Variants in MARCHF1 observed in about 807,000 individuals in gnomAD.
MARCHF1 encodes E3 ubiquitin-protein ligase MARCHF1.
Under a neutral mutation model 54.2 loss-of-function variants are expected in MARCHF1, and 40 were observed. That is an observed-to-expected ratio of 0.74 (90% CI 0.57 to 0.96). The LOEUF (loss-of-function observed/expected upper bound fraction) is 0.96, where lower values mean the gene tolerates loss of function less well. Among genes scored for constraint, MARCHF1 ranks in the 40% least tolerant of loss-of-function variants. MARCHF1 has a pLI of 0.00. For synonymous variants in MARCHF1, 236 were observed against 236.3 expected, an observed-to-expected ratio of 1.00 and a Z score of 0.01; for missense variants, 586 against 656.5, an observed-to-expected ratio of 0.89 and a Z score of 1.17.
At chr4:163,918,540 C>T (rs1212712435) in intron 3 of MARCHF1, among the ~76,000 whole-genome samples, 1 of 152,014 alleles carries the variant, frequency 6.6e-6, no homozygotes, top group Non-Finnish European at 1.5e-5. Context: ...TGGGGGAAAT[C>T]CAGCAGTAGA....
chr4:164,153,351 C>A (rs906463216), intron 1 of MARCHF1, among the ~76,000 whole-genome samples: 1 of 151,998 alleles, frequency 6.6e-6, no homozygotes, highest in African/African-American at 2.4e-5. Context: ...TGTAACACAT[C>A]TTATAGAAGG....
At chr4:163,679,910 C>T (rs1208789396) in intron 5 of MARCHF1, among the ~76,000 whole-genome samples, 2 of 151,926 alleles carry the variant, frequency 1.3e-5, no homozygotes, top group East Asian at 3.8e-4. Flanking sequence ...TTTATCTCCG[C>T]TTCTTAAACT....
At chr4:163,952,259 T>C (rs1752148381) in intron 3 of MARCHF1, among the ~76,000 whole-genome samples, 2 of 152,206 alleles carry the variant, frequency 1.3e-5, no homozygotes, top group South Asian at 4.1e-4. Flanking sequence ...ATTCTTTCTT[T>C]AGCCTATATA....
At chr4:163,959,437 A>G (rs1407047454) in intron 3 of MARCHF1, among the ~76,000 whole-genome samples, 1 of 152,074 alleles carries the variant, frequency 6.6e-6, no homozygotes, top group Non-Finnish European at 1.5e-5. Context: ...ACAGTAACCA[A>G]GACAGCATGG....
intron 3 of MARCHF1, among the ~76,000 whole-genome samples, chr4:163,857,045 A>AATAG (rs1749787231): frequency 6.7e-6 from 1 of 150,082 alleles, no homozygotes; most frequent in African/African-American, 2.4e-5. Flanking sequence ...TAAATAAATA[A>AATAG]ATAAATAAAT....
At chr4:163,623,291 C>A (rs1403423229) in intron 5 of MARCHF1, among the ~76,000 whole-genome samples, 2 of 152,148 alleles carry the variant, frequency 1.3e-5, no homozygotes, top group African/African-American at 4.8e-5. Flanking sequence ...AGTACTCAGG[C>A]TTCCTAGTAA....
intron 2 of MARCHF1, among the ~76,000 whole-genome samples, chr4:164,026,114 T>C (rs143412398): frequency 7.8e-4 from 118 of 151,574 alleles, no homozygotes; most frequent in African/African-American, 2.8e-3. Context: ...CAACAAAAAA[T>C]TGCTGGACAA....
chr4:163,873,181 T>C (rs979976456), intron 3 of MARCHF1, among the ~76,000 whole-genome samples: 2 of 152,236 alleles, frequency 1.3e-5, no homozygotes, highest in African/African-American at 4.8e-5. Flanking sequence ...TCTCTCTCTT[T>C]CCATTAGACT....
At chr4:164,304,024 T>C (rs747118928) in intron 1 of MARCHF1, among the ~76,000 whole-genome samples, 102 of 152,310 alleles carry the variant, frequency 6.7e-4, no homozygotes, top group Non-Finnish European at 1.1e-3. Context: ...AACAGACTAC[T>C]GCAAGCTATT....
chr4:164,013,814 T>A (rs1753478646), intron 2 of MARCHF1, among the ~76,000 whole-genome samples: 1 of 152,098 alleles, frequency 6.6e-6, no homozygotes, highest in Non-Finnish European at 1.5e-5. Flanking sequence ...AAATAAAGAC[T>A]TTCCTATACA....
chr4:163,874,558 C>T (rs1049926113), intron 3 of MARCHF1, among the ~76,000 whole-genome samples: 4 of 151,910 alleles, frequency 2.6e-5, no homozygotes, highest in South Asian at 2.1e-4. Context: ...AACATATTTT[C>T]GTAGCAAGAG....
intron 1 of MARCHF1, among the ~76,000 whole-genome samples, chr4:164,208,472 T>G (rs1345936310): frequency 1.3e-5 from 2 of 152,170 alleles, no homozygotes; most frequent in Non-Finnish European, 2.9e-5. Context: ...AAATTTAACA[T>G]TTTCCTGAGT....
At chr4:164,194,924 T>C (rs1192096067) in intron 1 of MARCHF1, among the ~76,000 whole-genome samples, 1 of 152,056 alleles carries the variant, frequency 6.6e-6, no homozygotes, top group Non-Finnish European at 1.5e-5. Context: ...GTATTTCTCC[T>C]AATAGGAGAA....
chr4:164,136,605 A>C (rs1230771381), intron 1 of MARCHF1, among the ~76,000 whole-genome samples: 1 of 152,132 alleles, frequency 6.6e-6, no homozygotes, highest in Non-Finnish European at 1.5e-5. Flanking sequence ...TGTGTATCTT[A>C]CTCAGCAATT....
chr4:163,766,742 A>G (rs1446381588), intron 4 of MARCHF1, among the ~76,000 whole-genome samples: 1 of 152,094 alleles, frequency 6.6e-6, no homozygotes, highest in Non-Finnish European at 1.5e-5. Flanking sequence ...ACAAACAAAC[A>G]TTTGCTTCAT....
intron 1 of MARCHF1, among the ~76,000 whole-genome samples, chr4:164,271,893 A>G (rs568780950): frequency 2.6e-5 from 4 of 152,288 alleles, no homozygotes; most frequent in Non-Finnish European, 5.9e-5. Context: ...TGCAACATAT[A>G]TATGAGTGAA....
chr4:163,840,246 T>A (rs1579329791), intron 4 of MARCHF1, among the ~76,000 whole-genome samples: 1 of 152,156 alleles, frequency 6.6e-6, no homozygotes, highest in South Asian at 2.1e-4. Flanking sequence ...TTTGTATTTT[T>A]ATACAATCCT....
intron 3 of MARCHF1, among the ~76,000 whole-genome samples, chr4:163,859,339 C>G (rs1006948595): frequency 1.3e-5 from 2 of 150,786 alleles, no homozygotes; most frequent in African/African-American, 4.9e-5. Context: ...ATTCTCTCCT[C>G]TATTGAGGCA....
intron 4 of MARCHF1, among the ~76,000 whole-genome samples, chr4:163,702,916 C>T (rs1030276047): frequency 6.6e-6 from 1 of 151,982 alleles, no homozygotes; most frequent in Non-Finnish European, 1.5e-5. Flanking sequence ...AAAGTTAACA[C>T]GTGGTAGGAC....
Sources: gnomAD v4.1 joint callset for allele counts (sites outside exome capture counted in the v4.1 genomes callset) on GRCh38, gnomAD v4.1.1 for gene constraint, MANE v1.5 for transcripts, NCBI Gene and HGNC (gene_info 2026-07-23, HGNC 2026-07-21) for gene names.